Variants in NPC1 observed in about 807,000 individuals in gnomAD.
NPC1 encodes the protein Niemann-Pick C1 protein.
A neutral mutation model predicts 140.4 loss-of-function variants in NPC1; 85 were observed. The observed-to-expected ratio is 0.61, with a 90% CI of 0.51 to 0.72. The LOEUF (loss-of-function observed/expected upper bound fraction) is 0.72. Among genes scored for constraint, NPC1 ranks in the 30% least tolerant of loss-of-function variants. The probability of loss-of-function intolerance (pLI) is 0.00; values close to 1 mark genes in which losing one functional copy is unlikely to be tolerated. For synonymous variants in NPC1, 656 were observed against 624.8 expected, an observed-to-expected ratio of 1.05 and a Z score of -0.74; for missense variants, 1,504 against 1,623.8, an observed-to-expected ratio of 0.93 and a Z score of 1.27.
downstream of NPC1, among the ~76,000 whole-genome samples, chr18:23,527,013 T>C (rs2058316501): frequency 6.6e-6 from 1 of 151,352 alleles, no homozygotes. Flanking sequence ...AGGAGGGGAG[T>C]GGGCCACCAC....
intron 1 of NPC1, among the ~76,000 whole-genome samples, chr18:23,575,881 G>A (rs1258093614): frequency 6.6e-6 from 1 of 150,820 alleles, no homozygotes; most frequent in Non-Finnish European, 1.5e-5. Flanking sequence ...GAGCCCAGGA[G>A]TTTGAGACCA....
rs1205973214 is a variant in NPC1 at position 23,582,129 on chromosome 18, A to AT, written c.57+4157dup. ...ACTACCTTAGGACCAGCCTAGACTG[A>AT]TTTTTTTAAATGGGTTAATTCTTTT... On this transcript the variant is annotated intron_variant, in intron 1 of 24. Transcript: ENST00000269228. 10 of 152,146 alleles carry AT rather than the reference A, an allele frequency of 6.6e-5. No individual in the cohort carries two copies. The East Asian group carries it at 1.9e-3, about 29-fold the overall frequency. The allele number at this position is 152,146 out of a possible 1,614,324, so 9.4% of individuals were successfully genotyped here. A position where few individuals can be genotyped will look rare whatever the true frequency, so the allele number is the denominator to read the frequency against.
At chr18:23,529,833 G>C, downstream of NPC1, 1 of 1,119,164 alleles carries the variant, frequency 8.9e-7, no homozygotes, top group East Asian at 2.3e-5. Context: ...TCAGAATGCT[G>C]AGTGACTCCT....
chr18:23,523,160 C>T (rs998295889), intron 1 of NPC1, among the ~76,000 whole-genome samples: 5 of 152,188 alleles, frequency 3.3e-5, no homozygotes, highest in Non-Finnish European at 5.9e-5. Context: ...TGCCTGGGCT[C>T]TTTCCTACCT....
chr18:23,510,333 A>C (rs2057819820), intron 3 of NPC1, among the ~76,000 whole-genome samples: 2 of 151,798 alleles, frequency 1.3e-5, no homozygotes, highest in African/African-American at 2.4e-5. Context: ...AAAAAAAAAA[A>C]CAAAAACACA....
chr18:23,534,924 A>G (rs2058604192), intron 22 of NPC1, among the ~76,000 whole-genome samples: 1 of 152,128 alleles, frequency 6.6e-6, no homozygotes, highest in Admixed American at 6.5e-5. Context: ...GTACGGATAC[A>G]CTGTTCTATT....
chr18:23,524,342 A>C (rs1359545418), downstream of NPC1: 1 of 1,524,628 alleles, frequency 6.6e-7, no homozygotes, highest in Admixed American at 1.7e-5. Flanking sequence ...GACTCAGTAC[A>C]TGGTGGGCAG....
chr18:23,577,824 G>T (rs1251082175), intron 1 of NPC1, among the ~76,000 whole-genome samples: 2 of 152,228 alleles, frequency 1.3e-5, no homozygotes, highest in Admixed American at 6.5e-5. Flanking sequence ...GCGCCGGTGG[G>T]CCGGCACTGC....
At chr18:23,532,733 T>C (rs948475916) in intron 24 of NPC1, among the ~76,000 whole-genome samples, 10 of 150,986 alleles carry the variant, frequency 6.6e-5, no homozygotes, top group African/African-American at 2.4e-4. Flanking sequence ...ACTAGTATAT[T>C]AGATTGTAAT....
chr18:23,559,827 G>A (rs1055542773), intron 6 of NPC1, among the ~76,000 whole-genome samples: 5 of 152,154 alleles, frequency 3.3e-5, no homozygotes, highest in South Asian at 2.1e-4. Context: ...GCATGGTGGC[G>A]GATGCCTGTA....
In NPC1 at chr18:23,573,543, T is replaced by A. The variant is rs776166330; in HGVS notation, c.89A>T (p.Glu30Val). Residue 30 changes from glutamate (E) to valine (V), a missense_variant, in exon 2 of 25, where the codon GAG becomes GTG. Glu to Val is a moderately radical substitution (Grantham distance 121, BLOSUM62 -2). Transcript: ENST00000269228. ...VFSQSCVWYGECGIAYGDKRY... is the reference protein window; with the variant it reads ...VFSQSCVWYGVCGIAYGDKRY... ...CTTGTCCCCATATGCAATTCCACAC[T>A]CTCCATACCAAACACAGGACTGTGA... 7 of 1,613,942 alleles carry A rather than the reference T, an allele frequency of 4.3e-6. No individual in the cohort carries two copies. The African/African-American group carries it at 9.3e-5, about 22-fold the overall frequency.
At chr18:23,533,147 G>A (rs781637480) in intron 24 of NPC1, 5 of 662,668 alleles carry the variant, frequency 7.5e-6, no homozygotes, top group East Asian at 3.1e-5. Context: ...AAAAAACATC[G>A]ACAACTTCCT....
chr18:23,523,987 C>A, intron 1 of NPC1: 1 of 904,124 alleles, frequency 1.1e-6, no homozygotes, highest in Non-Finnish European at 1.7e-6. Flanking sequence ...TTCAGTGAGA[C>A]GGAACAGTTC....
At chr18:23,539,777 C>T (rs1304029426) in intron 18 of NPC1, 34 bp downstream of exon 18, 3 of 1,608,694 alleles carry the variant, frequency 1.9e-6, no homozygotes, top group Non-Finnish European at 2.6e-6. Flanking sequence ...GCCTCCTCCG[C>T]TGCTTCTGAA....
rs1297547035 is a variant in NPC1 at position 23,531,727 on chromosome 18, T to C, written c.*475A>G. On this transcript the variant is annotated 3_prime_UTR_variant, in exon 25 of 25. Transcript: ENST00000269228. Reference sequence around the variant, plus strand: ...TGAAATCACTTGCTGTTTTTTTATATAAAAATGTGTACAAAGTTAATTTAT... The same window carrying C: ...TGAAATCACTTGCTGTTTTTTTATACAAAAATGTGTACAAAGTTAATTTAT... 6.3e-7 allele frequency: 1 copy of C among 1,597,704 alleles called. No homozygotes were observed. The highest frequency in any genetic ancestry group is 8.5e-7 in the Non-Finnish European group (1 of 1,175,764).
downstream of NPC1, chr18:23,527,904 G>A: frequency 6.2e-7 from 1 of 1,608,340 alleles, no homozygotes; most frequent in Non-Finnish European, 8.5e-7. Context: ...ATGCGATGGT[G>A]AGTTACATGG....
intron 1 of NPC1, among the ~76,000 whole-genome samples, chr18:23,575,987 G>A (rs1301445278): frequency 6.6e-6 from 1 of 152,014 alleles, no homozygotes; most frequent in African/African-American, 2.4e-5. Context: ...ACTTTGGGAG[G>A]CTGAGGCAGG....
chr18:23,553,705 G>A (rs958437623), intron 9 of NPC1, among the ~76,000 whole-genome samples: 8 of 152,126 alleles, frequency 5.3e-5, no homozygotes, highest in East Asian at 1.9e-4. Context: ...AGGCCCATCC[G>A]GCATCATGCT....
intron 3 of NPC1, chr18:23,515,748 G>T: frequency 7.6e-7 from 1 of 1,308,392 alleles, no homozygotes; most frequent in South Asian, 1.3e-5. Context: ...GTCCAGGCTG[G>T]TCTCGAACTC....
Sources: gnomAD v4.1 joint callset for allele counts (sites outside exome capture counted in the v4.1 genomes callset) on GRCh38, gnomAD v4.1.1 for gene constraint, MANE v1.5 for transcripts, NCBI Gene and HGNC (gene_info 2026-07-23, HGNC 2026-07-21) for gene names.